C2CD2: variants seen among roughly 807,000 people sequenced by gnomAD.
C2CD2 encodes C2 domain-containing protein 2.
Under a neutral mutation model 74.3 loss-of-function variants are expected in C2CD2, and 43 were observed. The observed-to-expected ratio is 0.58, with a 90% CI of 0.45 to 0.75. The LOEUF is 0.75. C2CD2 is among the 30% of genes least tolerant of loss of function. C2CD2 has a pLI of 0.00. For synonymous variants in C2CD2, 422 were observed against 390.7 expected (o/e 1.08, Z -0.94); for missense variants, 801 against 916.3 (o/e 0.87, Z 1.63).
rs983245672 is a variant in C2CD2, at chr21:41,887,703, C to A, written c.*1421G>T. The A allele has an allele frequency of 3.9e-4, 60 of 152,238 alleles. No homozygotes were observed. The highest frequency in any genetic ancestry group is 1.3e-3 in the African/African-American group (56 of 41,530). 9.4% of individuals were successfully genotyped at this position (152,238 alleles called of 1,614,324 possible). A position where few individuals can be genotyped will look rare whatever the true frequency, so the allele number is the denominator to read the frequency against. ...TTTTTACTCACCAGTGGCTCTATTA[C>A]CCCCGAAATATTTAATGTTTAAGGA... On this transcript the variant is annotated 3_prime_UTR_variant, in exon 14 of 14. Transcript: ENST00000380486.
chr21:41,925,411 G>C (rs2052841347), intron 2 of C2CD2, among the ~76,000 whole-genome samples: 1 of 152,176 alleles, frequency 6.6e-6, no homozygotes, highest in Non-Finnish European at 1.5e-5. Flanking sequence ...TTGAGCCCAA[G>C]GGTTTGAGGC....
chr21:41,925,526 G>C (rs560278900), intron 2 of C2CD2, among the ~76,000 whole-genome samples: 1 of 152,302 alleles, frequency 6.6e-6, no homozygotes, highest in Admixed American at 6.5e-5. Context: ...TGCTCCACTT[G>C]GAGGGATAAA....
chr21:41,889,488 C>T (rs972122764), intron 13 of C2CD2, 144 bp from the exon 14 acceptor site: 3 of 630,486 alleles, frequency 4.8e-6, no homozygotes, highest in Non-Finnish European at 8.5e-6. Flanking sequence ...TCACTACCTG[C>T]ATGAGAAAAA....
intron 1 of C2CD2, among the ~76,000 whole-genome samples, chr21:41,944,230 C>G (rs1048357551): frequency 1.1e-4 from 17 of 152,154 alleles, no homozygotes; most frequent in African/African-American, 4.1e-4. Flanking sequence ...AAAGAGTTTG[C>G]AGCCGGGTGC....
At chr21:41,896,596 C>T (rs549024559) in intron 13 of C2CD2, among the ~76,000 whole-genome samples, 4 of 150,586 alleles carry the variant, frequency 2.7e-5, no homozygotes, top group East Asian at 2.0e-4. Context: ...ATTTCCTGTG[C>T]GGGCTGGTTT....
intron 4 of C2CD2, 61 bp downstream of exon 4, chr21:41,918,795 C>A: frequency 7.7e-7 from 1 of 1,291,570 alleles, no homozygotes; most frequent in Non-Finnish European, 1.1e-6. Flanking sequence ...CCACCGCAGA[C>A]TGTCCTAACA....
Position 41,892,922 on chromosome 21 carries a change from G to A in C2CD2, c.1871-3578C>T, listed in dbSNP as rs1028388723. Among the ~76,000 whole-genome samples, 5 of 152,348 alleles carry A rather than the reference G, an allele frequency of 3.3e-5. No individual in the cohort carries two copies. In the East Asian group the frequency reaches 7.7e-4, roughly 24 times the overall value. On this transcript the variant is annotated intron_variant, in intron 13 of 13. Coordinates refer to ENST00000380486, the MANE Select transcript of C2CD2 (RefSeq NM_015500.2). This position sits in a 1 kb window ranked among gnomAD's most constrained non-coding sequence, Gnocchi z 4.6. ...CTGACGCAGCCCACCCGCAGGGCCC[G>A]GTGCCACGCCAGAGACGCGCGGTGC...
rs1276298091 is a variant in C2CD2 at position 41,886,500 on chromosome 21, T to C, written c.*2624A>G. 1 of 152,196 alleles carries C rather than the reference T, an allele frequency of 6.6e-6. No homozygotes were observed. The highest frequency in any genetic ancestry group is 2.4e-5 in the African/African-American group (1 of 41,434). The allele number at this position is 152,196 out of a possible 1,614,324, so 9.4% of individuals were successfully genotyped here. On this transcript the variant is annotated 3_prime_UTR_variant, in exon 14 of 14. Coordinates refer to ENST00000380486, the MANE Select transcript of C2CD2 (RefSeq NM_015500.2). Reference sequence around the variant, plus strand: ...GCCGACGTGTTGCCTTTGCCTTTGCTTCATAAACTCCCTCCCATGTTGGTG... The same window carrying C: ...GCCGACGTGTTGCCTTTGCCTTTGCCTCATAAACTCCCTCCCATGTTGGTG...
Position 41,953,671 on chromosome 21 carries a change from C to T in C2CD2, c.-23G>A. 1.1e-5 allele frequency: 15 copies of T among 1,383,128 alleles called. No homozygotes were observed. The highest frequency in any genetic ancestry group is 1.4e-5 in the Non-Finnish European group (15 of 1,073,174). 85.7% of individuals were successfully genotyped at this position (1,383,128 alleles called of 1,614,324 possible). A position where few individuals can be genotyped will look rare whatever the true frequency, so the allele number is the denominator to read the frequency against. On this transcript the variant is annotated 5_prime_UTR_variant, in exon 1 of 14. Transcript: ENST00000380486. ...CATGGCGCATCCCCGGCCCGCCTCG[C>T]CCCAACTTCCCCGGCAGCCCCGGGC...
chr21:41,928,505 T>G (rs1325026012), intron 2 of C2CD2, among the ~76,000 whole-genome samples: 4 of 121,994 alleles, frequency 3.3e-5, no homozygotes, highest in Non-Finnish European at 6.4e-5. Context: ...AATTCCAGGT[T>G]AATGGAATAC....
At chr21:41,901,513 C>T (rs1477506124) in intron 12 of C2CD2, 109 bp downstream of exon 12, 1 of 1,120,182 alleles carries the variant, frequency 8.9e-7, no homozygotes, top group Admixed American at 1.7e-5. Flanking sequence ...GTAAATGGAA[C>T]TCTCTGGACG....
At chr21:41,953,042 A>C in intron 1 of C2CD2, 3 of 306,314 alleles carry the variant, frequency 9.8e-6, no homozygotes, top group Non-Finnish European at 1.8e-5. Context: ...GGGCACGGGA[A>C]TTCGCCCCGG....
chr21:41,946,833 A>G (rs1308583604), intron 1 of C2CD2, among the ~76,000 whole-genome samples: 1 of 152,152 alleles, frequency 6.6e-6, no homozygotes, highest in Admixed American at 6.5e-5. Flanking sequence ...CGCTCCAACC[A>G]TATGAAAATG....
chr21:41,896,356 C>T (rs1012513136), intron 13 of C2CD2, among the ~76,000 whole-genome samples: 10 of 152,224 alleles, frequency 6.6e-5, no homozygotes, highest in Middle Eastern at 6.8e-3. Context: ...CTACAGACAC[C>T]ACACGCACAC....
At chr21:41,948,874 T>TTTTTTTTG (rs2065425371) in intron 1 of C2CD2, among the ~76,000 whole-genome samples, 1 of 118,284 alleles carries the variant, frequency 8.5e-6, no homozygotes, top group Non-Finnish European at 1.8e-5. Flanking sequence ...CAGCATCTTT[T>TTTTTTTTG]TTTTTTTTTT....
At chr21:41,944,391 A>G (rs1346357897) in intron 1 of C2CD2, among the ~76,000 whole-genome samples, 7 of 151,944 alleles carry the variant, frequency 4.6e-5, no homozygotes. Flanking sequence ...GCGTGGTGGC[A>G]GGTGCCTGTA....
chr21:41,893,192 G>C (rs1825363849), intron 13 of C2CD2, among the ~76,000 whole-genome samples: 1 of 152,082 alleles, frequency 6.6e-6, no homozygotes, highest in Admixed American at 6.5e-5. Flanking sequence ...AATAAAATGG[G>C]ATATGCACAT....
chr21:41,953,578 G>A lies in C2CD2; in HGVS notation c.71C>T (p.Ala24Val). 6.7e-7 allele frequency: 1 copy of A among 1,498,242 alleles called. No individual in the cohort carries two copies. Among genetic ancestry groups the A allele is most frequent in the East Asian group, 2.9e-5 (1 of 35,052 alleles). The allele number at this position is 1,498,242 out of a possible 1,614,324, so 92.8% of individuals were successfully genotyped here. Residue 24 changes from alanine to valine, a missense_variant, in exon 1 of 14, where the codon GCG becomes GTG. Physicochemically the swap from Ala to Val is moderately conservative, Grantham distance 64. Coordinates refer to ENST00000380486, the MANE Select transcript of C2CD2 (RefSeq NM_015500.2). ...QWLALVSLFV[A>V]ALATVGLYLA... ...GTACAGGCCTACCGTGGCCAGGGCC[G>A]CGACGAAGAGCGACACCAGCGCGAG...
Position 41,913,213 on chromosome 21 carries a change from T to C in C2CD2, c.845-773A>G, listed in dbSNP as rs185021803. Among the ~76,000 whole-genome samples the C allele has an allele frequency of 2.3e-4, 35 of 152,362 alleles. 1 individual carries two copies. Among genetic ancestry groups the C allele is most frequent in the Admixed American group, 2.0e-3 (31 of 15,304 alleles). On this transcript the variant is annotated intron_variant, in intron 6 of 13. Coordinates refer to ENST00000380486, the MANE Select transcript of C2CD2 (RefSeq NM_015500.2). ...ACTTACACCAGACAGGTGCTGTACC[T>C]GATACTAGCCAGGGTATTTGATCCA...
Sources: allele counts gnomAD v4.1 joint callset (sites outside exome capture counted in the v4.1 genomes callset), GRCh38; gene constraint gnomAD v4.1.1; non-coding constraint Gnocchi (gnomAD v3.1); transcripts MANE v1.5; gene names NCBI Gene and HGNC (gene_info 2026-07-23, HGNC 2026-07-21).